Variants in PKD2 observed in about 807,000 individuals in gnomAD.
PKD2 encodes the protein polycystin-2.
PKD2 carries 48 observed loss-of-function variants against 105.9 expected under a neutral mutation model. The observed-to-expected ratio is 0.45, with a 90% confidence interval of 0.36 to 0.58. The LOEUF is 0.58. PKD2 is among the 20% of genes least tolerant of loss of function. The pLI is 0.00. For missense variants in PKD2, 1,078 were observed against 1,255.3 expected, an observed-to-expected ratio of 0.86 and a Z score of 2.13; for synonymous variants, 464 against 481.1, an observed-to-expected ratio of 0.96 and a Z score of 0.46.
chr4:88,028,055 A>C (rs761192631), intron 2 of PKD2, among the ~76,000 whole-genome samples: 2 of 152,226 alleles, frequency 1.3e-5, no homozygotes, highest in Non-Finnish European at 2.9e-5. Context: ...CCAAAGAAGT[A>C]ATGAAAATGG....
chr4:88,012,913 C>T (rs763549974), intron 1 of PKD2, among the ~76,000 whole-genome samples: 6 of 151,916 alleles, frequency 3.9e-5, no homozygotes, highest in East Asian at 3.9e-4. Context: ...TTTTTTATGA[C>T]GAAATACTAT....
chr4:88,044,218 G>A (rs1044094538), intron 5 of PKD2, among the ~76,000 whole-genome samples: 6 of 152,046 alleles, frequency 3.9e-5, no homozygotes, highest in African/African-American at 1.4e-4. Context: ...CAAATAAATA[G>A]TATAGTATAT....
At chr4:88,063,505 T>A in intron 10 of PKD2, among the ~76,000 whole-genome samples, 1 of 146,602 alleles carries the variant, frequency 6.8e-6, no homozygotes, top group South Asian at 2.1e-4. Flanking sequence ...CACTCCAGCC[T>A]GGGTAACAAG....
intron 9 of PKD2, among the ~76,000 whole-genome samples, chr4:88,060,746 A>G (rs1195606438): frequency 6.6e-6 from 1 of 152,148 alleles, no homozygotes; most frequent in Non-Finnish European, 1.5e-5. Context: ...AACCATTACT[A>G]CTGTGGAAGG....
chr4:88,029,940 C>T lies in PKD2; in HGVS notation c.710-6280C>T, dbSNP rs1727086482. ...GATGGAAAGGTGACCAGGGGCCAGA[C>T]CTGTAGTTTTGGTGGGCCTTGGTGA... On this transcript the variant is annotated intron_variant, in intron 2 of 14. Coordinates refer to ENST00000237596, the MANE Select transcript of PKD2 (RefSeq NM_000297.4). 2.0e-5 allele frequency among the ~76,000 whole-genome samples: 3 copies of T among 152,160 alleles called. No individual in the cohort carries two copies. In the South Asian group the frequency reaches 6.2e-4, roughly 31 times the overall value.
chr4:88,008,449 C>A (rs1228247808), intron 1 of PKD2, 121 bp downstream of exon 1: 117 of 1,247,812 alleles, frequency 9.4e-5, no homozygotes, highest in Non-Finnish European at 1.2e-4. Flanking sequence ...CGTTCCGCCT[C>A]CCTTGGAAGC....
chr4:88,064,437 A>G (rs1715377139), intron 10 of PKD2, among the ~76,000 whole-genome samples: 1 of 152,174 alleles, frequency 6.6e-6, no homozygotes, highest in African/African-American at 2.4e-5. Context: ...TATAACTGAC[A>G]CTAAGGGAGT....
Position 88,052,136 on chromosome 4 carries a change from C to T in PKD2, c.1694C>T (p.Thr565Ile), listed in dbSNP as rs751486110. Residue 565 changes from threonine to isoleucine, a missense_variant, in exon 7 of 15, where the codon ACA (threonine) becomes ATA (isoleucine). This residue lies in a region of PKD2 where 868 missense variants were observed against 1,067.3 expected (regional missense o/e 0.81). Transcript: ENST00000237596. Reference protein sequence around the residue: ...QIQFNNIAAVTVFFVWIKLFK... With the variant: ...QIQFNNIAAVIVFFVWIKLFK... ...CAGTTCAACAATATAGCTGCTGTCACAGTATTTTTTGTCTGGATTAAGGTA... is the reference window on the plus strand; with the variant it reads ...CAGTTCAACAATATAGCTGCTGTCATAGTATTTTTTGTCTGGATTAAGGTA... 3.1e-6 allele frequency: 5 copies of T among 1,601,204 alleles called. No individual in the cohort carries two copies. Among genetic ancestry groups the T allele is most frequent in the Non-Finnish European group, 4.3e-6 (5 of 1,168,842 alleles).
rs1220751790 is a variant in PKD2 at position 88,067,914 on chromosome 4, A to G, written c.2375A>G (p.Asp792Gly). Residue 792 changes from aspartate to glycine, a missense_variant, in exon 13 of 15, where the codon GAT becomes GGT. By Grantham distance (94) the Asp-to-Gly change is moderately conservative (BLOSUM62 -1). Around this residue, in one of 2 missense-constraint regions of PKD2, gnomAD observed 868 missense variants for 1,067.3 expected, o/e 0.81. Coordinates refer to ENST00000237596, the MANE Select transcript of PKD2 (RefSeq NM_000297.4). ...GTTCTTCAGGAGGACCTGGATTTGG[A>G]TCACAGTTCTTTACCACGTCCCATG... ...LEKEREDLDL[D>G]HSSLPRPMSS... 4.3e-6 allele frequency: 7 copies of G among 1,613,930 alleles called. No homozygotes were observed. The highest frequency in any genetic ancestry group is 5.1e-6 in the Non-Finnish European group (6 of 1,179,970).
At position 88,046,491 on chromosome 4, in the gene PKD2, A is replaced by G. The variant is rs147581914; in HGVS notation, c.1320-151A>G. 373 of 688,250 alleles carry G rather than the reference A, an allele frequency of 5.4e-4. 1 individual carries two copies. The African/African-American group carries it at 5.8e-3, about 11-fold the overall frequency. 42.6% of individuals were successfully genotyped at this position (688,250 alleles called of 1,614,324 possible). A position where few individuals can be genotyped will look rare whatever the true frequency, so the allele number is the denominator to read the frequency against. On this transcript the variant is annotated intron_variant, in intron 5 of 14. Coordinates refer to ENST00000237596, the MANE Select transcript of PKD2 (RefSeq NM_000297.4). ...TTCTCCAAGTATGGAATTATTAGCT[A>G]TGATAAAAATGTTTTGCCGCTAGTT...
intron 13 of PKD2, among the ~76,000 whole-genome samples, chr4:88,073,034 CA>C (rs34782103): frequency 0.45 from 35,995 of 79,842 alleles, 6,157 homozygotes; most frequent in African/African-American, 0.6. Flanking sequence ...GACTCTGTCT[CA>C]AAAAAAAAAA....
In PKD2 at chr4:88,065,741, G is replaced by A. The variant is rs566023661; in HGVS notation, c.2241-21G>A. On this transcript the variant is annotated intron_variant, in intron 11 of 14. Coordinates refer to ENST00000237596, the MANE Select transcript of PKD2 (RefSeq NM_000297.4). ...TGGGTACAAGGAATGATTTTTATCT[G>A]TATCCTCTCTCTAATTTCAGGAAGG... 4.9e-5 allele frequency: 75 copies of A among 1,517,866 alleles called. 1 individual carries two copies. In the South Asian group the frequency reaches 7.5e-4, roughly 15 times the overall value. The allele number at this position is 1,517,866 out of a possible 1,614,324, so 94.0% of individuals were successfully genotyped here. A position where few individuals can be genotyped will look rare whatever the true frequency, so the allele number is the denominator to read the frequency against.
chr4:88,044,008 A>G (rs145791969), intron 5 of PKD2, among the ~76,000 whole-genome samples: 2,072 of 152,298 alleles, frequency 0.014, 26 homozygotes, highest in South Asian at 0.058. Flanking sequence ...GTGAGATAGT[A>G]ACAAAAATGA....
intron 2 of PKD2, among the ~76,000 whole-genome samples, chr4:88,035,236 C>T (rs753121790): frequency 5.3e-5 from 8 of 152,078 alleles, no homozygotes; most frequent in African/African-American, 4.8e-5. Flanking sequence ...AGGATCTTCC[C>T]GCCTCCTTCC....
chr4:88,008,469 ACCTC>A, intron 1 of PKD2, 141 bp downstream of exon 1: 1 of 1,096,486 alleles, frequency 9.1e-7, no homozygotes, highest in Non-Finnish European at 1.2e-6. Flanking sequence ...CGCATTCCCC[ACCTC>A]CGCTAGTGCT....
chr4:88,070,969 A>G (rs1234206526), intron 13 of PKD2, among the ~76,000 whole-genome samples: 1 of 151,214 alleles, frequency 6.6e-6, no homozygotes, highest in Non-Finnish European at 1.5e-5. Flanking sequence ...TCAACTCCAG[A>G]ATTTCTATTT....
In PKD2 at chr4:88,036,249, T is replaced by A; in HGVS notation, c.739T>A (p.Tyr247Asn). ...CTACGGCATGATGAGCTCCAATGTG[T>A]ACTACTACACCCGGATGATGTCACA... is the stretch of plus-strand genomic sequence containing the variant. ...LTYGMMSSNV[Y>N]YYTRMMSQLF... The change falls in exon 3 of 15, where the codon TAC becomes AAC. Residue 247 changes from tyrosine (Y) to asparagine (N), a missense_variant. Tyr to Asn is a moderately radical substitution (Grantham distance 143, BLOSUM62 -2). This residue lies in a region of PKD2 where 868 missense variants were observed against 1,067.3 expected (regional missense o/e 0.81). Transcript: ENST00000237596. The A allele has an allele frequency of 6.2e-7, 1 of 1,613,832 alleles. No homozygotes were observed. The highest frequency in any genetic ancestry group is 8.5e-7 in the Non-Finnish European group (1 of 1,179,742).
chr4:88,048,489 TAGTA>T (rs1352015352), intron 6 of PKD2, among the ~76,000 whole-genome samples: 1 of 152,132 alleles, frequency 6.6e-6, no homozygotes, highest in Non-Finnish European at 1.5e-5. Context: ...ATAATTGTAA[TAGTA>T]ATAATAATAA....
intron 1 of PKD2, among the ~76,000 whole-genome samples, chr4:88,009,489 G>GA (rs889043869): frequency 8.1e-5 from 10 of 123,642 alleles, no homozygotes; most frequent in Non-Finnish European, 1.3e-4. Context: ...CCAATTTTTG[G>GA]ATTTTTTTTT....
Sources: allele counts gnomAD v4.1 joint callset (sites outside exome capture counted in the v4.1 genomes callset), GRCh38; gene constraint gnomAD v4.1.1; regional missense constraint gnomAD v4.1.1; transcripts MANE v1.5; gene names NCBI Gene and HGNC (gene_info 2026-07-23, HGNC 2026-07-21).